NOX4: variants seen among roughly 807,000 people sequenced by gnomAD.
NOX4 encodes the protein kidney oxidase-1.
NOX4 carries 69 observed loss-of-function variants against 87.6 expected under a neutral mutation model. The ratio of observed to expected loss-of-function variants is 0.79; its 90% CI spans 0.65 to 0.96. NOX4 has a LOEUF of 0.96. Among genes scored for constraint, NOX4 ranks in the 40% least tolerant of loss-of-function variants. The pLI is 0.00. For synonymous variants in NOX4, 275 were observed against 238.2 expected (o/e 1.15, Z -1.42); for missense variants, 680 against 681.5 (o/e 1.00, Z 0.02).
At chr11:89,339,078 T>C (rs1945856370) in intron 15 of NOX4, among the ~76,000 whole-genome samples, 1 of 152,164 alleles carries the variant, frequency 6.6e-6, no homozygotes, top group Non-Finnish European at 1.5e-5. Flanking sequence ...TTAATAAATA[T>C]ACACTGAATG....
intron 16 of NOX4, 105 bp from the exon 17 acceptor site, chr11:89,336,050 T>C (rs552122050): frequency 6.6e-6 from 4 of 608,030 alleles, no homozygotes; most frequent in East Asian, 6.1e-5. Flanking sequence ...TGCTGTGATA[T>C]AAAGAATGTA....
intron 1 of NOX4, among the ~76,000 whole-genome samples, chr11:89,497,670 C>T (rs1415290485): frequency 6.6e-6 from 1 of 152,150 alleles, no homozygotes; most frequent in African/African-American, 2.4e-5. Context: ...TGATTAATGA[C>T]TATATCTGTC....
chr11:89,552,327 T>A, the NOX4 span, among the ~76,000 whole-genome samples: 5 of 152,210 alleles, frequency 3.3e-5, no homozygotes, highest in Non-Finnish European at 7.3e-5. Flanking sequence ...TTTTATCTGC[T>A]GTACTATCTT....
intron 6 of NOX4, among the ~76,000 whole-genome samples, chr11:89,438,087 G>A (rs1455819656): frequency 6.6e-6 from 1 of 150,986 alleles, no homozygotes; most frequent in Non-Finnish European, 1.5e-5. Context: ...TGTATTAAGT[G>A]TCTTCTCTAC....
the NOX4 span, among the ~76,000 whole-genome samples, chr11:89,555,483 C>A: frequency 0.049 from 7,239 of 146,286 alleles, 224 homozygotes; most frequent in Non-Finnish European, 0.07. Flanking sequence ...GAATTTGTTT[C>A]AAAAAAAAAA....
intron 7 of NOX4, among the ~76,000 whole-genome samples, chr11:89,424,079 A>G (rs924168195): frequency 2.0e-5 from 3 of 151,696 alleles, no homozygotes; most frequent in African/African-American, 7.3e-5. Flanking sequence ...TCTCAAAAAA[A>G]TATATATATA....
chr11:89,461,274 G>A (rs536368820), intron 2 of NOX4, among the ~76,000 whole-genome samples: 4 of 151,770 alleles, frequency 2.6e-5, no homozygotes, highest in East Asian at 1.9e-4. Context: ...AAACCTGCAC[G>A]TTGTGTACAT....
chr11:89,385,880 C>T (rs537071164), intron 11 of NOX4, among the ~76,000 whole-genome samples: 109 of 152,094 alleles, frequency 7.2e-4, no homozygotes, highest in Non-Finnish European at 1.2e-3. Context: ...TCTTCCCTTC[C>T]GTCAGACATA....
chr11:89,483,949 T>C (rs900089626), intron 2 of NOX4, among the ~76,000 whole-genome samples: 4 of 152,210 alleles, frequency 2.6e-5, no homozygotes, highest in South Asian at 2.1e-4. Flanking sequence ...GTCCTGCTTC[T>C]GTCCCTCACT....
At chr11:89,511,126 CATT>C in the NOX4 span, among the ~76,000 whole-genome samples, 1 of 151,928 alleles carries the variant, frequency 6.6e-6, no homozygotes, top group Admixed American at 6.6e-5. Context: ...GACAAATAAT[CATT>C]ATTAATATTA....
At chr11:89,353,403 T>A (rs1412941847) in intron 13 of NOX4, among the ~76,000 whole-genome samples, 2 of 152,156 alleles carry the variant, frequency 1.3e-5, no homozygotes, top group Non-Finnish European at 2.9e-5. Context: ...CGAGGAAAGA[T>A]CCTCTACCAG....
intron 11 of NOX4, among the ~76,000 whole-genome samples, chr11:89,379,337 T>A (rs1376203566): frequency 6.6e-6 from 1 of 151,342 alleles, no homozygotes; most frequent in Non-Finnish European, 1.5e-5. Flanking sequence ...CAGGTCTCAG[T>A]GTAATAGGAG....
chr11:89,465,377 T>TG (rs1208652447), intron 2 of NOX4, among the ~76,000 whole-genome samples: 1 of 152,184 alleles, frequency 6.6e-6, no homozygotes, highest in Non-Finnish European at 1.5e-5. Context: ...CTTTACCCAG[T>TG]CTATCATTGA....
chr11:89,363,454 C>G (rs1208089106), intron 12 of NOX4, among the ~76,000 whole-genome samples: 1 of 152,042 alleles, frequency 6.6e-6, no homozygotes, highest in Non-Finnish European at 1.5e-5. Flanking sequence ...ATTATTATCA[C>G]CAAGGCAGCT....
the NOX4 span, among the ~76,000 whole-genome samples, chr11:89,504,943 T>C: frequency 1.3e-5 from 2 of 152,084 alleles, no homozygotes; most frequent in Middle Eastern, 3.4e-3. Context: ...TCTTCTTTGG[T>C]ATGGCAACAT....
At chr11:89,504,299 C>G in the NOX4 span, among the ~76,000 whole-genome samples, 2 of 151,926 alleles carry the variant, frequency 1.3e-5, no homozygotes, top group African/African-American at 4.8e-5. Flanking sequence ...GGGAGACAGA[C>G]AGCGTCACTT....
At chr11:89,421,308 C>T (rs1449523858) in intron 8 of NOX4, among the ~76,000 whole-genome samples, 1 of 152,090 alleles carries the variant, frequency 6.6e-6, no homozygotes, top group Non-Finnish European at 1.5e-5. Context: ...TTGTTTTAAG[C>T]ACCATGTTTT....
chr11:89,359,379 ATTT>A lies in NOX4; in HGVS notation c.1136-4339_1136-4337del, dbSNP rs33949541. 3.9e-3 allele frequency among the ~76,000 whole-genome samples: 502 copies of A among 128,712 alleles called. 3 individuals carry two copies. The highest frequency in any genetic ancestry group is 0.014 in the African/African-American group (474 of 34,444). 84.4% of individuals were successfully genotyped at this position (128,712 alleles called of 152,430 possible). On this transcript the variant is annotated intron_variant, in intron 12 of 17. Transcript: ENST00000263317. ...TACATAACAATAAAAAGCAGTAGGC[ATTT>A]TTTTTTTTTTTTTTTTGAGATGGAG...
chr11:89,440,526 T>C (rs1489289752), intron 6 of NOX4, among the ~76,000 whole-genome samples, 162 bp downstream of exon 6: 1 of 152,018 alleles, frequency 6.6e-6, no homozygotes, highest in Non-Finnish European at 1.5e-5. Context: ...GGTTTCATCA[T>C]GTTGATCAGG....
Sources: allele counts gnomAD v4.1 joint callset (sites outside exome capture counted in the v4.1 genomes callset), GRCh38; gene constraint gnomAD v4.1.1; transcripts MANE v1.5; gene names NCBI Gene and HGNC (gene_info 2026-07-23, HGNC 2026-07-21).